Variants in SGCZ observed in about 807,000 individuals in gnomAD.
SGCZ encodes the protein sarcoglycan zeta.
A neutral mutation model predicts 41.3 loss-of-function variants in SGCZ; 40 were observed. That is an observed-to-expected ratio of 0.97 (90% CI 0.75 to 1.26). SGCZ has a LOEUF of 1.26. Ranked by LOEUF, SGCZ falls within the 50% of genes most tolerant of loss-of-function variation. The pLI is 0.00. For missense variants in SGCZ, 552 were observed against 369.8 expected (o/e 1.49, Z -4.04); for synonymous variants, 206 against 137.5 (o/e 1.50, Z -3.49).
chr8:14,942,702 T>C (rs549321724), intron 1 of SGCZ, among the ~76,000 whole-genome samples: 1 of 152,260 alleles, frequency 6.6e-6, no homozygotes, highest in South Asian at 2.1e-4. Context: ...ACTATATTTC[T>C]CCCTTTTGTA....
chr8:14,653,393 A>G (rs1007723374), intron 1 of SGCZ, among the ~76,000 whole-genome samples: 4 of 152,142 alleles, frequency 2.6e-5, no homozygotes, highest in Non-Finnish European at 4.4e-5. Context: ...CAATGAGTAT[A>G]AATTAATCCT....
chr8:15,149,250 G>A (rs1215964287), intron 1 of SGCZ, among the ~76,000 whole-genome samples: 2 of 152,110 alleles, frequency 1.3e-5, no homozygotes, highest in Non-Finnish European at 1.5e-5. Context: ...ATGAGGTCTG[G>A]AAGGGAAAGG....
At chr8:14,279,152 C>T (rs954996888) in intron 3 of SGCZ, among the ~76,000 whole-genome samples, 29 of 151,898 alleles carry the variant, frequency 1.9e-4, no homozygotes, top group Non-Finnish European at 1.5e-4. Flanking sequence ...TATGTGCCAG[C>T]ACTTTATTAA....
chr8:14,185,097 G>T (rs978989682), intron 4 of SGCZ, among the ~76,000 whole-genome samples: 5 of 152,098 alleles, frequency 3.3e-5, no homozygotes, highest in Non-Finnish European at 7.4e-5. Flanking sequence ...TCCACGTCAA[G>T]CATTCAATCA....
chr8:14,920,400 A>G (rs1383889447), intron 1 of SGCZ, among the ~76,000 whole-genome samples: 1 of 152,232 alleles, frequency 6.6e-6, no homozygotes, highest in Non-Finnish European at 1.5e-5. Context: ...CACTGTTTTT[A>G]TCAAAAAGTT....
At chr8:15,086,897 T>C (rs928312031) in intron 1 of SGCZ, among the ~76,000 whole-genome samples, 4 of 152,114 alleles carry the variant, frequency 2.6e-5, no homozygotes, top group African/African-American at 9.7e-5. Flanking sequence ...TCTTACCTTG[T>C]ACATTTCACA....
chr8:15,145,121 G>C (rs964354427), intron 1 of SGCZ, among the ~76,000 whole-genome samples: 2 of 152,140 alleles, frequency 1.3e-5, no homozygotes, highest in Admixed American at 1.3e-4. Context: ...TATTCCCCAA[G>C]CCCTGCCGTA....
chr8:14,598,728 C>G (rs1805494527), intron 1 of SGCZ, among the ~76,000 whole-genome samples: 1 of 151,898 alleles, frequency 6.6e-6, no homozygotes, highest in South Asian at 2.1e-4. Context: ...TATGTTTTTG[C>G]CAAGTAGCCC....
intron 1 of SGCZ, among the ~76,000 whole-genome samples, chr8:14,773,794 A>G (rs1025720878): frequency 5.3e-5 from 8 of 152,352 alleles, no homozygotes; most frequent in Non-Finnish European, 1.2e-4. Flanking sequence ...GGATGAAGGA[A>G]AACACTCCAC....
At chr8:14,888,530 T>G (rs1804895336) in intron 1 of SGCZ, among the ~76,000 whole-genome samples, 1 of 152,026 alleles carries the variant, frequency 6.6e-6, no homozygotes, top group South Asian at 2.1e-4. Context: ...AACAAAGAAA[T>G]AAGCAAGAAA....
At chr8:15,021,213 T>C (rs1026010684) in intron 1 of SGCZ, among the ~76,000 whole-genome samples, 1 of 152,238 alleles carries the variant, frequency 6.6e-6, no homozygotes, top group Non-Finnish European at 1.5e-5. Flanking sequence ...ATCAATTCCA[T>C]GTATCATAGG....
At chr8:14,967,796 A>C (rs1290282896) in intron 1 of SGCZ, among the ~76,000 whole-genome samples, 1 of 152,166 alleles carries the variant, frequency 6.6e-6, no homozygotes, top group Non-Finnish European at 1.5e-5. Context: ...GTAGACATTC[A>C]AGGAAAACTT....
At chr8:14,285,056 T>C (rs1800576291) in intron 3 of SGCZ, among the ~76,000 whole-genome samples, 2 of 152,134 alleles carry the variant, frequency 1.3e-5, no homozygotes, top group South Asian at 4.1e-4. Context: ...ACTTATTACA[T>C]TGATTCTTTT....
intron 2 of SGCZ, among the ~76,000 whole-genome samples, chr8:14,384,330 C>A (rs559081280): frequency 6.6e-6 from 1 of 151,906 alleles, no homozygotes. Flanking sequence ...TTGTTTATTG[C>A]GGCACTGCTC....
In SGCZ at chr8:15,012,478, T is replaced by C. The variant is rs1274952733; in HGVS notation, c.39+225107A>G. Among the ~76,000 whole-genome samples, 8 of 140,586 alleles carry C rather than the reference T, an allele frequency of 5.7e-5. No individual in the cohort carries two copies. The Admixed American group carries it at 5.9e-4, about 10-fold the overall frequency. 92.2% of individuals were successfully genotyped at this position (140,586 alleles called of 152,430 possible). On this transcript the variant is annotated intron_variant, in intron 1 of 7. Transcript: ENST00000382080. ...ACTTTTTCTAAAAAATAAATATAAA[T>C]ATATATATATATAAAATAAATGTAT...
At chr8:14,391,368 T>A (rs1030228912) in intron 2 of SGCZ, among the ~76,000 whole-genome samples, 2 of 151,976 alleles carry the variant, frequency 1.3e-5, no homozygotes, top group South Asian at 2.1e-4. Flanking sequence ...AAAGAAAAAA[T>A]TCATGCATAA....
intron 1 of SGCZ, among the ~76,000 whole-genome samples, chr8:14,873,887 T>G (rs1397356744): frequency 6.6e-6 from 1 of 152,184 alleles, no homozygotes; most frequent in Non-Finnish European, 1.5e-5. Context: ...CAACTGTCTT[T>G]CTCTTAGGCT....
At chr8:15,020,466 T>C (rs966443877) in intron 1 of SGCZ, among the ~76,000 whole-genome samples, 16 of 152,048 alleles carry the variant, frequency 1.1e-4, no homozygotes, top group African/African-American at 3.9e-4. Flanking sequence ...TGCATATATA[T>C]ATGAGGAGAT....
At chr8:14,989,661 G>C (rs11994486) in intron 1 of SGCZ, among the ~76,000 whole-genome samples, 11,681 of 152,128 alleles carry the variant, frequency 0.077, 674 homozygotes, top group African/African-American at 0.15. Context: ...CTAATCATAT[G>C]TCAGTACAGA....
Sources: allele counts gnomAD v4.1 joint callset (sites outside exome capture counted in the v4.1 genomes callset), GRCh38; gene constraint gnomAD v4.1.1; transcripts MANE v1.5; gene names NCBI Gene and HGNC (gene_info 2026-07-23, HGNC 2026-07-21).